The following COP1 variants were observed in gnomAD, a reference collection of about 807,000 sequenced individuals.
COP1 encodes E3 ubiquitin-protein ligase COP1.
COP1 carries 24 observed loss-of-function variants against 101.3 expected under a neutral mutation model. That is an observed-to-expected ratio of 0.24 (90% CI 0.17 to 0.33). The LOEUF (loss-of-function observed/expected upper bound fraction) is 0.33. Ranked by LOEUF, COP1 falls within the 10% of genes least tolerant of loss-of-function variation. The pLI is 1.00. For missense variants in COP1, 663 were observed against 906.2 expected (o/e 0.73, Z 3.45); for synonymous variants, 347 against 341.9 (o/e 1.01, Z -0.17).
At chr1:176,154,963 A>G (rs561507823) in intron 5 of COP1, among the ~76,000 whole-genome samples, 24 of 152,310 alleles carry the variant, frequency 1.6e-4, no homozygotes, top group African/African-American at 5.8e-4. Flanking sequence ...TTAGACATAA[A>G]GAACAAATCC....
chr1:176,114,512 C>G (rs1480924563), intron 9 of COP1, among the ~76,000 whole-genome samples: 2 of 149,654 alleles, frequency 1.3e-5, no homozygotes, highest in Non-Finnish European at 3.0e-5. Flanking sequence ...AGTGAATATA[C>G]AAATAAATGT....
At chr1:175,962,351 T>C (rs1336611790) in intron 18 of COP1, among the ~76,000 whole-genome samples, 1 of 152,156 alleles carries the variant, frequency 6.6e-6, no homozygotes, top group Non-Finnish European at 1.5e-5. Context: ...GAGATGGTAC[T>C]GAGAAAAAAT....
intron 15 of COP1, among the ~76,000 whole-genome samples, chr1:176,001,474 T>C (rs1254453898): frequency 6.6e-6 from 1 of 152,144 alleles, no homozygotes; most frequent in East Asian, 1.9e-4. Context: ...ATGATGTCTT[T>C]TGTTTCCAAA....
At chr1:175,949,839 G>A (rs898263877) in intron 18 of COP1, among the ~76,000 whole-genome samples, 1 of 152,220 alleles carries the variant, frequency 6.6e-6, no homozygotes, top group Non-Finnish European at 1.5e-5. Flanking sequence ...TGGTGAAGAT[G>A]AGGATTCACT....
At chr1:176,198,883 C>G (rs1371011122) in intron 1 of COP1, among the ~76,000 whole-genome samples, 2 of 152,166 alleles carry the variant, frequency 1.3e-5, no homozygotes, top group African/African-American at 4.8e-5. Context: ...GATAAAACTA[C>G]ATATCCACAA....
At chr1:176,029,178 C>T (rs1250378358) in intron 14 of COP1, among the ~76,000 whole-genome samples, 3 of 152,108 alleles carry the variant, frequency 2.0e-5, no homozygotes, top group East Asian at 1.9e-4. Flanking sequence ...TTAAGAATTT[C>T]ATGATTTTAA....
intron 18 of COP1, among the ~76,000 whole-genome samples, chr1:175,947,618 C>T (rs532485921): frequency 3.0e-4 from 45 of 152,286 alleles, no homozygotes; most frequent in African/African-American, 1.0e-3. Flanking sequence ...GATCTGCCCA[C>T]CTCGGCCTCC....
chr1:176,079,103 A>G (rs1314859386), intron 11 of COP1, among the ~76,000 whole-genome samples: 1 of 152,122 alleles, frequency 6.6e-6, no homozygotes, highest in African/African-American at 2.4e-5. Context: ...AGTTACAACA[A>G]AACTACCATT....
At chr1:176,202,403 G>A (rs973855087) in intron 1 of COP1, among the ~76,000 whole-genome samples, 1 of 151,752 alleles carries the variant, frequency 6.6e-6, no homozygotes, top group Non-Finnish European at 1.5e-5. Flanking sequence ...TGCCCAGGAT[G>A]GTCTCAAACT....
At chr1:176,135,724 G>A (rs1050001621) in intron 7 of COP1, among the ~76,000 whole-genome samples, 3 of 151,734 alleles carry the variant, frequency 2.0e-5, no homozygotes, top group Admixed American at 6.6e-5. Context: ...TACTAACTTT[G>A]ATTAATGAAA....
intron 3 of COP1, among the ~76,000 whole-genome samples, chr1:176,164,736 T>C (rs978591041): frequency 6.6e-6 from 1 of 152,158 alleles, no homozygotes; most frequent in Non-Finnish European, 1.5e-5. Context: ...TTCTAGAAAT[T>C]CTTTTCCCGT....
intron 15 of COP1, among the ~76,000 whole-genome samples, chr1:175,998,063 TAAAAA>T (rs57110017): frequency 0.076 from 5,113 of 67,126 alleles, 60 homozygotes; most frequent in South Asian, 0.14. Context: ...AGAGTATAAT[TAAAAA>T]AAAAAAAAAA....
At chr1:176,104,649 TTCAAA>T (rs1346416813) in intron 9 of COP1, among the ~76,000 whole-genome samples, 2 of 152,204 alleles carry the variant, frequency 1.3e-5, no homozygotes. Context: ...TATGAAACTT[TTCAAA>T]GTCATTCTGT....
At chr1:176,029,383 C>T (rs1321106089) in intron 14 of COP1, among the ~76,000 whole-genome samples, 1 of 152,102 alleles carries the variant, frequency 6.6e-6, no homozygotes, top group Non-Finnish European at 1.5e-5. Context: ...AAAGCAGAAG[C>T]AGAAAATGAG....
At chr1:176,123,036 T>G (rs1226777800) in intron 8 of COP1, among the ~76,000 whole-genome samples, 6 of 152,234 alleles carry the variant, frequency 3.9e-5, no homozygotes, top group Non-Finnish European at 8.8e-5. Context: ...GTGGTTTATT[T>G]GACTAGTTTG....
intron 15 of COP1, among the ~76,000 whole-genome samples, chr1:176,020,855 A>T (rs1246271906): frequency 6.6e-6 from 1 of 152,252 alleles, no homozygotes; most frequent in African/African-American, 2.4e-5. Flanking sequence ...TGAGCTAAGG[A>T]ATAAACATAA....
chr1:176,196,934 AC>A (rs1699763595), intron 1 of COP1, among the ~76,000 whole-genome samples: 3 of 145,770 alleles, frequency 2.1e-5, no homozygotes, highest in Non-Finnish European at 4.5e-5. Context: ...AAAGAGTGAA[AC>A]CAGCAGGAGG....
At chr1:176,074,277 G>A (rs1481573133) in intron 11 of COP1, among the ~76,000 whole-genome samples, 1 of 151,952 alleles carries the variant, frequency 6.6e-6, no homozygotes, top group Non-Finnish European at 1.5e-5. Flanking sequence ...TTTTTGGGAG[G>A]AATTAGAAGG....
chr1:175,984,295 G>T (rs1386214868), intron 18 of COP1, among the ~76,000 whole-genome samples: 1 of 152,222 alleles, frequency 6.6e-6, no homozygotes, highest in Non-Finnish European at 1.5e-5. Flanking sequence ...ATGACTAAAA[G>T]GGGCCAACAG....
Sources: gnomAD v4.1 joint callset for allele counts (sites outside exome capture counted in the v4.1 genomes callset) on GRCh38, gnomAD v4.1.1 for gene constraint, MANE v1.5 for transcripts, NCBI Gene and HGNC (gene_info 2026-07-23, HGNC 2026-07-21) for gene names.